The following RDH13 variants were observed in gnomAD, a reference collection of about 807,000 sequenced individuals.
RDH13 encodes the protein retinol dehydrogenase 13, also known as retinol dehydrogenase 13 (all-trans and 9-cis).
A neutral mutation model predicts 28.3 loss-of-function variants in RDH13; 35 were observed. The observed-to-expected ratio is 1.24, with a 90% confidence interval of 0.95 to 1.64. RDH13 has a LOEUF of 1.64. RDH13 is among the 40% of genes most tolerant of loss of function. RDH13 has a pLI of 0.00. For synonymous variants in RDH13, 229 were observed against 198.5 expected, an observed-to-expected ratio of 1.15 and a Z score of -1.29; for missense variants, 514 against 446.3, an observed-to-expected ratio of 1.15 and a Z score of -1.37.
At position 55,059,172 on chromosome 19, in the gene RDH13, C is replaced by G. The variant is rs2075732335; in HGVS notation, c.169G>C (p.Glu57Gln). The change falls in exon 2 of 7, where the codon GAA becomes CAA. Residue 57 changes from glutamate to glutamine, a missense_variant. Glu to Gln is a conservative substitution (Grantham distance 29). Transcript: ENST00000415061. Reference protein sequence around the residue: ...NTGIGKQTALELARRGGNIIL... With the variant: ...NTGIGKQTALQLARRGGNIIL... ...GAGATTTTACCTCTCCTGGCCAGTT[C>G]CAAGGCGGTCTGCTTCCCGATGCCT... is the stretch of plus-strand genomic sequence containing the variant. 1 of 1,594,648 alleles carries G rather than the reference C, an allele frequency of 6.3e-7. No homozygotes were observed. The highest frequency in any genetic ancestry group is 8.5e-7 in the Non-Finnish European group (1 of 1,170,278).
In RDH13 at chr19:55,059,196, C is replaced by T. The variant is rs370160638; in HGVS notation, c.145G>A (p.Gly49Ser). 1.1e-5 allele frequency: 17 copies of T among 1,603,938 alleles called. No individual in the cohort carries two copies. The highest frequency in any genetic ancestry group is 1.4e-5 in the Non-Finnish European group (17 of 1,175,450). The change falls in exon 2 of 7, where the codon GGC becomes AGC. Residue 49 changes from glycine to serine, a missense_variant. Physicochemically the swap from Gly to Ser is moderately conservative, Grantham distance 56. Transcript: ENST00000415061. ...KTVIVTGANT[G>S]IGKQTALELA... ...TCCAAGGCGGTCTGCTTCCCGATGC[C>T]TGTGTTGGCACCCGTCACGATGACC...
chr19:55,054,868 T>C (rs10424361), intron 3 of RDH13, among the ~76,000 whole-genome samples: 24,169 of 151,944 alleles, frequency 0.16, 2,300 homozygotes, highest in African/African-American at 0.27. Context: ...AGGTAAGTAT[T>C]TGAGGTAATG....
chr19:55,048,191 C>T (rs1439885099), intron 5 of RDH13, 138 bp downstream of exon 5: 30 of 1,537,954 alleles, frequency 2.0e-5, no homozygotes, highest in Non-Finnish European at 2.5e-5. Context: ...CAGAAGCGGG[C>T]AGCGTGGTCC....
downstream of RDH13, chr19:55,040,327 T>G (rs1157524442): frequency 6.6e-6 from 1 of 152,242 alleles, no homozygotes; most frequent in Non-Finnish European, 1.5e-5. Flanking sequence ...CCTAGTTGAT[T>G]TTTTGTATTT....
intron 2 of RDH13, among the ~76,000 whole-genome samples, chr19:55,057,791 CCTTTT>C (rs1302226648): frequency 6.9e-6 from 1 of 145,508 alleles, no homozygotes; most frequent in Admixed American, 7.1e-5. Flanking sequence ...ATCTTAACCC[CCTTTT>C]CTTTTTGTTT....
intron 5 of RDH13, among the ~76,000 whole-genome samples, chr19:55,047,721 T>A (rs2075285570): frequency 6.6e-6 from 1 of 152,192 alleles, no homozygotes; most frequent in South Asian, 2.1e-4. Context: ...CCCAGAACGC[T>A]GAGCTTACCC....
chr19:55,050,240 C>T (rs2075386199), intron 3 of RDH13, among the ~76,000 whole-genome samples: 1 of 151,968 alleles, frequency 6.6e-6, no homozygotes, highest in South Asian at 2.1e-4. Flanking sequence ...CCTCAGCCTC[C>T]CAAGTAGCTG....
intron 3 of RDH13, among the ~76,000 whole-genome samples, chr19:55,053,597 G>A (rs1427850249): frequency 6.6e-6 from 1 of 151,592 alleles, no homozygotes; most frequent in Non-Finnish European, 1.5e-5. Flanking sequence ...GCGGAGCTTG[G>A]AGTGAGCCGA....
chr19:55,052,087 G>C (rs1169748705), intron 3 of RDH13, among the ~76,000 whole-genome samples: 1 of 46,748 alleles, frequency 2.1e-5, no homozygotes, highest in South Asian at 7.2e-4. Context: ...TTTTTTTTTT[G>C]GACACAGGGT....
chr19:55,045,157 C>T lies in RDH13; in HGVS notation c.913G>A (p.Val305Met), dbSNP rs2075169680. The change falls in exon 7 of 7, where the codon GTG (valine) becomes ATG (methionine). Residue 305 changes from valine (V) to methionine (M), a missense_variant. Physicochemically the swap from Val to Met is conservative, Grantham distance 21. Transcript: ENST00000415061. ...APAPEAEDEE[V>M]ARRLWAESAR... ...CTTTCAGCCCAAAGCCTCCGGGCCACCTCCTCATCCTCAGCCTCGGGGGCC... is the reference window on the plus strand; with the variant it reads ...CTTTCAGCCCAAAGCCTCCGGGCCATCTCCTCATCCTCAGCCTCGGGGGCC... 1 of 1,613,728 alleles carries T rather than the reference C, an allele frequency of 6.2e-7. No homozygotes were observed. The highest frequency in any genetic ancestry group is 1.1e-5 in the South Asian group (1 of 91,076).
intron 1 of RDH13, among the ~76,000 whole-genome samples, chr19:55,068,183 C>T (rs1313120250): frequency 6.6e-6 from 1 of 151,092 alleles, no homozygotes; most frequent in Non-Finnish European, 1.5e-5. Flanking sequence ...CTCTCTCTCT[C>T]CCCCCAACTC....
chr19:55,057,455 T>TG (rs2075674379), intron 2 of RDH13, among the ~76,000 whole-genome samples: 1 of 143,526 alleles, frequency 7.0e-6, no homozygotes, highest in Admixed American at 7.1e-5. Flanking sequence ...TTTTTTTAGA[T>TG]GGAGTCTCAC....
intron 3 of RDH13, among the ~76,000 whole-genome samples, chr19:55,054,296 C>T (rs1276028933): frequency 2.0e-5 from 3 of 152,176 alleles, no homozygotes; most frequent in Admixed American, 6.5e-5. Flanking sequence ...CAGTGCCAGA[C>T]TAGAAAAGAA....
intron 5 of RDH13, 47 bp from the exon 6 acceptor site, chr19:55,047,535 C>T (rs1479804700): frequency 5.8e-6 from 9 of 1,557,152 alleles, no homozygotes; most frequent in Non-Finnish European, 7.8e-6. Context: ...CCAGCCTCAC[C>T]TGGGAGGCTG....
At position 55,048,407 on chromosome 19, in the gene RDH13, A is replaced by G; in HGVS notation, c.580T>C (p.Tyr194His). ...TGGCAGTAGGCGGCTTTGGTGTTAT[A>G]CTTCCTCGTCTGCCAGTTCAAGTCG... ...FDDLNWQTRK[Y>H]NTKAAYCQSK... The change falls in exon 5 of 7, where the codon TAT (tyrosine) becomes CAT (histidine). Residue 194 changes from tyrosine (Y) to histidine (H), a missense_variant. Physicochemically the swap from Tyr to His is moderately conservative, Grantham distance 83. Transcript: ENST00000415061. 6.2e-7 allele frequency: 1 copy of G among 1,614,080 alleles called. No individual in the cohort carries two copies. The highest frequency in any genetic ancestry group is 8.5e-7 in the Non-Finnish European group (1 of 1,180,030).
intron 3 of RDH13, among the ~76,000 whole-genome samples, chr19:55,055,817 C>A (rs935460052): frequency 1.3e-5 from 2 of 151,992 alleles, no homozygotes; most frequent in African/African-American, 4.8e-5. Context: ...TGCACCACTG[C>A]ACTCTAGCCT....
chr19:55,066,128 C>A (rs2075954540), upstream of RDH13, among the ~76,000 whole-genome samples: 1 of 152,278 alleles, frequency 6.6e-6, no homozygotes, highest in South Asian at 2.1e-4. Context: ...ATAAAGAGAA[C>A]AATGCATGCA....
chr19:55,052,686 G>C (rs1351535243), intron 3 of RDH13, among the ~76,000 whole-genome samples: 2 of 150,612 alleles, frequency 1.3e-5, no homozygotes, highest in Non-Finnish European at 3.0e-5. Context: ...TTTTGAGATG[G>C]AGTCTCACTC....
In RDH13 at chr19:55,056,773, T is replaced by C; in HGVS notation, c.220A>G (p.Lys74Glu). Residue 74 changes from lysine to glutamate, a missense_variant, in exon 3 of 7, where the codon AAG becomes GAG. Coordinates refer to ENST00000415061, the MANE Select transcript of RDH13 (RefSeq NM_001145971.2). ...NIILACRDME[K>E]CEAAAKDIRG... ...ATGTCCTTTGCTGCCGCCTCACACT[T>C]CTCCATGTCTCGGCAGGCCAGGATG... is the stretch of plus-strand genomic sequence containing the variant. The C allele has an allele frequency of 4.3e-6, 7 of 1,613,822 alleles. No individual in the cohort carries two copies. The highest frequency in any genetic ancestry group is 5.1e-6 in the Non-Finnish European group (6 of 1,179,956).
Sources: allele counts gnomAD v4.1 joint callset (sites outside exome capture counted in the v4.1 genomes callset), GRCh38; gene constraint gnomAD v4.1.1; transcripts MANE v1.5; gene names NCBI Gene and HGNC (gene_info 2026-07-23, HGNC 2026-07-21).